LYSMD2: variants seen among roughly 807,000 people sequenced by gnomAD.
The protein encoded by LYSMD2 is LysM domain containing 2, also known as lysM and putative peptidoglycan-binding domain-containing protein 2.
Under a neutral mutation model 17.7 loss-of-function variants are expected in LYSMD2, and 6 were observed. That is an observed-to-expected ratio of 0.34 (90% CI 0.19 to 0.67). LYSMD2 has a LOEUF of 0.67. Ranked by LOEUF, LYSMD2 falls within the 30% of genes least tolerant of loss-of-function variation. The pLI is 0.69. For missense variants in LYSMD2, 237 were observed against 286.7 expected, an observed-to-expected ratio of 0.83 and a Z score of 1.25; for synonymous variants, 102 against 129.8, an observed-to-expected ratio of 0.79 and a Z score of 1.45.
upstream of LYSMD2, among the ~76,000 whole-genome samples, chr15:51,740,838 A>G (rs1427346964): frequency 6.6e-6 from 1 of 152,210 alleles, no homozygotes; most frequent in Non-Finnish European, 1.5e-5. Flanking sequence ...TAAAAGAAAG[A>G]AAGAAAAGTG....
chr15:51,728,461 G>A (rs2141593198), intron 1 of LYSMD2, among the ~76,000 whole-genome samples: 1 of 151,854 alleles, frequency 6.6e-6, no homozygotes, highest in East Asian at 1.9e-4. Context: ...ACTCAAAGGT[G>A]TCAGCAATTA....
In LYSMD2 at chr15:51,737,540, CGCG is replaced by C; in HGVS notation, c.80_82del (p.Pro27del). ...CTCGGACTCGGAGCCGGAGCGCGAGCGCGGCGGCGGCGAGGGGGCCGAGGGCCG... is the reference window on the plus strand; with the variant it reads ...CTCGGACTCGGAGCCGGAGCGCGAGCGCGGCGGCGAGGGGGCCGAGGGCCG... On this transcript the variant is annotated inframe_deletion, in exon 1 of 3. Coordinates refer to ENST00000267838, the MANE Select transcript of LYSMD2 (RefSeq NM_153374.3). The surrounding 1 kb of genome is among the most constrained non-coding windows in gnomAD (Gnocchi z 4.2). 2 of 1,234,516 alleles carry C rather than the reference CGCG, an allele frequency of 1.6e-6. No individual in the cohort carries two copies. The highest frequency in any genetic ancestry group is 2.0e-6 in the Non-Finnish European group (2 of 991,860). 76.5% of individuals were successfully genotyped at this position (1,234,516 alleles called of 1,614,324 possible).
rs139772555 is a variant in LYSMD2 at position 51,734,281 on chromosome 15, T to G, written c.273+3069A>C. Among the ~76,000 whole-genome samples, 6 of 152,308 alleles carry G rather than the reference T, an allele frequency of 3.9e-5. No individual in the cohort carries two copies. The East Asian group carries it at 1.2e-3, about 29-fold the overall frequency. On this transcript the variant is annotated intron_variant, in intron 1 of 2. Coordinates refer to ENST00000267838, the MANE Select transcript of LYSMD2 (RefSeq NM_153374.3). Reference sequence around the variant, plus strand: ...CCAATGTCAGCTAGGATCCTTTATTTTTAGTTTGCCCCAGAGTATTCCTGT... The same window carrying G: ...CCAATGTCAGCTAGGATCCTTTATTGTTAGTTTGCCCCAGAGTATTCCTGT...
At chr15:51,727,550 T>C (rs2055548074) in intron 1 of LYSMD2, among the ~76,000 whole-genome samples, 1 of 152,146 alleles carries the variant, frequency 6.6e-6, no homozygotes, top group Admixed American at 6.5e-5. Context: ...CCTCTGAGAG[T>C]GTTATCTGTA....
Position 51,737,573 on chromosome 15 carries a change from G to A in LYSMD2, c.50C>T (p.Ala17Val). ...ALSLREGGPR[A>V]PRPSAPSPPP... ...CGGCGAGGGGGCCGAGGGCCGCGGC[G>A]CGCGGGGGCCGCCTTCCCGCAGGGA... is the stretch of plus-strand genomic sequence containing the variant. Residue 17 changes from alanine (A) to valine (V), a missense_variant, in exon 1 of 3, where the codon GCG (alanine) becomes GTG (valine). Coordinates refer to ENST00000267838, the MANE Select transcript of LYSMD2 (RefSeq NM_153374.3). This position sits in a 1 kb window ranked among gnomAD's most constrained non-coding sequence, Gnocchi z 4.2. 2 of 1,219,372 alleles carry A rather than the reference G, an allele frequency of 1.6e-6. No individual in the cohort carries two copies. The highest frequency in any genetic ancestry group is 2.0e-6 in the Non-Finnish European group (2 of 981,956). The allele number at this position is 1,219,372 out of a possible 1,614,324, so 75.5% of individuals were successfully genotyped here.
In LYSMD2 at chr15:51,737,040, C is replaced by A. The variant is rs537479959; in HGVS notation, c.273+310G>T. 6.6e-6 allele frequency among the ~76,000 whole-genome samples: 1 copy of A among 152,214 alleles called. No homozygotes were observed. The highest frequency in any genetic ancestry group is 1.5e-5 in the Non-Finnish European group (1 of 68,032). ...CCAAAGCCCTAGTCCTCTTCGGCCTCCCTCACGCGACAGATCTAGTCTGAG... is the reference window on the plus strand; with the variant it reads ...CCAAAGCCCTAGTCCTCTTCGGCCTACCTCACGCGACAGATCTAGTCTGAG... On this transcript the variant is annotated intron_variant, in intron 1 of 2. Coordinates refer to ENST00000267838, the MANE Select transcript of LYSMD2 (RefSeq NM_153374.3). This position sits in a 1 kb window ranked among gnomAD's most constrained non-coding sequence, Gnocchi z 4.2.
At chr15:51,740,432 T>C (rs1444108679), upstream of LYSMD2, among the ~76,000 whole-genome samples, 1 of 152,236 alleles carries the variant, frequency 6.6e-6, no homozygotes, top group East Asian at 1.9e-4. Flanking sequence ...AAGCATTTCC[T>C]TTGAAGGGAA....
intron 1 of LYSMD2, among the ~76,000 whole-genome samples, chr15:51,745,756 A>T (rs1329778138): frequency 6.6e-6 from 1 of 152,236 alleles, no homozygotes; most frequent in Admixed American, 6.5e-5. Flanking sequence ...AATCAATAGC[A>T]ATAAAACAAA....
intron 1 of LYSMD2, among the ~76,000 whole-genome samples, chr15:51,749,324 C>T (rs143335116): frequency 3.3e-5 from 5 of 152,244 alleles, no homozygotes; most frequent in African/African-American, 9.6e-5. Context: ...TCCTTTAACA[C>T]CTTCCAGCTT....
chr15:51,729,149 G>C (rs999586592), intron 1 of LYSMD2, among the ~76,000 whole-genome samples: 2 of 152,274 alleles, frequency 1.3e-5, no homozygotes, highest in African/African-American at 4.8e-5. Flanking sequence ...AGAAAAAGGA[G>C]TAGCAAATGC....
upstream of LYSMD2, among the ~76,000 whole-genome samples, chr15:51,741,442 G>C (rs556596118): frequency 2.0e-5 from 3 of 152,076 alleles, no homozygotes; most frequent in South Asian, 4.1e-4. Flanking sequence ...GATAGCAAAG[G>C]GTTTTTTAAA....
Position 51,723,539 on chromosome 15 carries a change from T to A in LYSMD2, c.*68A>T. 2 of 1,275,738 alleles carry A rather than the reference T, an allele frequency of 1.6e-6. No individual in the cohort carries two copies. Among genetic ancestry groups the A allele is most frequent in the East Asian group, 2.3e-5 (1 of 42,916 alleles). The allele number at this position is 1,275,738 out of a possible 1,614,324, so 79.0% of individuals were successfully genotyped here. On this transcript the variant is annotated 3_prime_UTR_variant, in exon 3 of 3. Transcript: ENST00000267838. ...AATCCAGAAGGGATGTTTTTGAATC[T>A]TCAGTTGTTGGATTCTTTATGGTCC... is the stretch of plus-strand genomic sequence containing the variant.
At chr15:51,727,282 G>A (rs2055546237) in intron 1 of LYSMD2, among the ~76,000 whole-genome samples, 1 of 152,124 alleles carries the variant, frequency 6.6e-6, no homozygotes, top group African/African-American at 2.4e-5. Flanking sequence ...CTTGTCCTTG[G>A]AATTCCAGTT....
chr15:51,732,712 G>C (rs1347498341), intron 1 of LYSMD2, among the ~76,000 whole-genome samples: 1 of 152,148 alleles, frequency 6.6e-6, no homozygotes, highest in African/African-American at 2.4e-5. Context: ...ATCTCTAGGG[G>C]AGAGATATTC....
At position 51,737,566 on chromosome 15, in the gene LYSMD2, C is replaced by T; in HGVS notation, c.57G>A (p.Arg19=). 3 of 1,220,538 alleles carry T rather than the reference C, an allele frequency of 2.5e-6. No homozygotes were observed. Among genetic ancestry groups the T allele is most frequent in the African/African-American group, 1.6e-5 (1 of 63,542 alleles). 75.6% of individuals were successfully genotyped at this position (1,220,538 alleles called of 1,614,324 possible). Residue 19 remains arginine (R), a synonymous_variant, in exon 1 of 3, where the codon CGG becomes CGA. Transcript: ENST00000267838. The surrounding 1 kb of genome is among the most constrained non-coding windows in gnomAD (Gnocchi z 4.2). ...SLREGGPRAP[R]PSAPSPPPRS... is the part of the protein sequence containing the mutation. ...GCGGCGGCGGCGAGGGGGCCGAGGG[C>T]CGCGGCGCGCGGGGGCCGCCTTCCC... is the stretch of plus-strand genomic sequence containing the variant.
At position 51,724,916 on chromosome 15, in the gene LYSMD2, C is replaced by A. The variant is rs557155768; in HGVS notation, c.479G>T (p.Ser160Ile). The A allele has an allele frequency of 6.2e-7, 1 of 1,614,094 alleles. No individual in the cohort carries two copies. Among genetic ancestry groups the A allele is most frequent in the Non-Finnish European group, 8.5e-7 (1 of 1,179,988 alleles). ...VVAGEDLPPPSPQESDVQPVQ... is the reference protein window; with the variant it reads ...VVAGEDLPPPIPQESDVQPVQ... The stretch of plus-strand genomic sequence containing the variant: ...AGGCTGAACATCAGATTCTTGAGGA[C>A]TGGGAGGAGGGAGGTCTTCCCCGGC... The change falls in exon 2 of 3, where the codon AGT (serine) becomes ATT (isoleucine). Residue 160 changes from serine to isoleucine, a missense_variant. Ser to Ile is a moderately radical substitution (Grantham distance 142). Transcript: ENST00000267838.
intron 1 of LYSMD2, among the ~76,000 whole-genome samples, chr15:51,733,313 T>C (rs1157560918): frequency 6.6e-6 from 1 of 151,500 alleles, no homozygotes; most frequent in Non-Finnish European, 1.5e-5. Flanking sequence ...ATTATGCTTA[T>C]CAATATAAGA....
At chr15:51,739,377 T>C (rs1193317866), upstream of LYSMD2, among the ~76,000 whole-genome samples, 1 of 152,158 alleles carries the variant, frequency 6.6e-6, no homozygotes, top group Non-Finnish European at 1.5e-5. Flanking sequence ...AGTGGTTGAA[T>C]TGAGGTGTAG....
At chr15:51,736,858 T>C (rs1461315644) in intron 1 of LYSMD2, among the ~76,000 whole-genome samples, 1 of 152,188 alleles carries the variant, frequency 6.6e-6, no homozygotes, top group Non-Finnish European at 1.5e-5. Flanking sequence ...GCATAATCGA[T>C]AGAACCAGAA....
Sources: gnomAD v4.1 joint callset for allele counts (sites outside exome capture counted in the v4.1 genomes callset) on GRCh38, gnomAD v4.1.1 for gene constraint, Gnocchi (gnomAD v3.1) non-coding constraint, MANE v1.5 for transcripts, NCBI Gene and HGNC (gene_info 2026-07-23, HGNC 2026-07-21) for gene names.